The following SUCLG2 variants were observed in gnomAD, a reference collection of about 807,000 sequenced individuals.
The protein encoded by SUCLG2 is succinate--CoA ligase [GDP-forming] subunit beta, mitochondrial.
A neutral mutation model predicts 47.9 loss-of-function variants in SUCLG2; 42 were observed. That is an observed-to-expected ratio of 0.88 (90% CI 0.69 to 1.14). SUCLG2 has a LOEUF of 1.14. Among genes scored for constraint, SUCLG2 ranks in the 50% most tolerant of loss-of-function variants. The probability of loss-of-function intolerance (pLI) is 0.00; values close to 1 mark genes in which losing one functional copy is unlikely to be tolerated. For missense variants in SUCLG2, 571 were observed against 525.9 expected (o/e 1.09, Z -0.84); for synonymous variants, 195 against 197.3 (o/e 0.99, Z 0.10).
At chr3:67,424,115 G>A (rs755194774) in intron 9 of SUCLG2, among the ~76,000 whole-genome samples, 4 of 152,200 alleles carry the variant, frequency 2.6e-5, no homozygotes, top group African/African-American at 9.7e-5. Flanking sequence ...AAAGGTCAGT[G>A]AATGACAACT....
intron 9 of SUCLG2, among the ~76,000 whole-genome samples, chr3:67,488,127 T>A (rs931596853): frequency 1.4e-4 from 22 of 151,922 alleles, no homozygotes; most frequent in African/African-American, 2.7e-4. Context: ...ATATATTTTT[T>A]AAAAAGGTAT....
chr3:67,569,445 C>T (rs925219309), intron 2 of SUCLG2, among the ~76,000 whole-genome samples: 3 of 152,204 alleles, frequency 2.0e-5, no homozygotes, highest in Non-Finnish European at 4.4e-5. Flanking sequence ...TCACTCAGAG[C>T]CACCGGGGCA....
intron 9 of SUCLG2, among the ~76,000 whole-genome samples, chr3:67,430,452 T>C (rs1703445645): frequency 6.6e-6 from 1 of 152,056 alleles, no homozygotes; most frequent in Non-Finnish European, 1.5e-5. Context: ...CTTAAAGCAG[T>C]GCATAGAGGA....
chr3:67,398,811 C>T (rs543778310), intron 10 of SUCLG2, among the ~76,000 whole-genome samples: 9 of 152,250 alleles, frequency 5.9e-5, no homozygotes, highest in African/African-American at 2.2e-4. Flanking sequence ...GAAAATGTGG[C>T]TCATATACAC....
chr3:67,573,780 T>C lies in SUCLG2; in HGVS notation c.226+35675A>G, dbSNP rs150394642. 1.9e-3 allele frequency among the ~76,000 whole-genome samples: 294 copies of C among 152,036 alleles called. 3 individuals are homozygous for C. The East Asian group carries it at 0.035, about 18-fold the overall frequency. ...CTGGTGAGAATCCTTGTTTCCCCCT[T>C]TTTTTTTCTTTTTCACCCAATAAAA... On this transcript the variant is annotated intron_variant, in intron 2 of 10. Coordinates refer to ENST00000307227, the MANE Select transcript of SUCLG2 (RefSeq NM_003848.4).
chr3:67,558,657 G>A (rs1432014099), intron 2 of SUCLG2, among the ~76,000 whole-genome samples: 2 of 152,156 alleles, frequency 1.3e-5, no homozygotes, highest in Non-Finnish European at 2.9e-5. Flanking sequence ...CTACTGATCC[G>A]TTTCCAAAAG....
At chr3:67,592,979 G>T (rs1022689342) in intron 2 of SUCLG2, among the ~76,000 whole-genome samples, 4 of 152,136 alleles carry the variant, frequency 2.6e-5, no homozygotes, top group African/African-American at 9.7e-5. Flanking sequence ...AACCACTATG[G>T]TGAGCCTAGG....
intron 10 of SUCLG2, among the ~76,000 whole-genome samples, chr3:67,389,370 C>G (rs559897238): frequency 1.3e-5 from 2 of 152,102 alleles, no homozygotes; most frequent in Admixed American, 6.5e-5. Context: ...GGGGGCCATC[C>G]AAGGAGAGAT....
At chr3:67,442,373 T>G (rs1703788754) in intron 9 of SUCLG2, among the ~76,000 whole-genome samples, 1 of 152,186 alleles carries the variant, frequency 6.6e-6, no homozygotes, top group Admixed American at 6.5e-5. Flanking sequence ...CTATGGTACC[T>G]GGAACAGCGG....
At chr3:67,502,324 T>C (rs1012192709) in intron 7 of SUCLG2, among the ~76,000 whole-genome samples, 92 of 152,240 alleles carry the variant, frequency 6.0e-4, no homozygotes, top group African/African-American at 2.0e-3. Context: ...AGTGCTTTCC[T>C]ATCTTACTAT....
At chr3:67,421,065 C>T (rs1186437183) in intron 9 of SUCLG2, among the ~76,000 whole-genome samples, 1 of 152,174 alleles carries the variant, frequency 6.6e-6, no homozygotes, top group East Asian at 1.9e-4. Context: ...ACAAGAAGTT[C>T]AGGTGTTGAC....
At chr3:67,564,316 C>A (rs1239899047) in intron 2 of SUCLG2, among the ~76,000 whole-genome samples, 1 of 152,088 alleles carries the variant, frequency 6.6e-6, no homozygotes, top group Non-Finnish European at 1.5e-5. Flanking sequence ...AGCTTTCCCC[C>A]CTCCCCTCGC....
At chr3:67,437,125 T>C (rs1703644276) in intron 9 of SUCLG2, among the ~76,000 whole-genome samples, 1 of 151,892 alleles carries the variant, frequency 6.6e-6, no homozygotes, top group African/African-American at 2.4e-5. Flanking sequence ...ATGCCAGGTG[T>C]GGTTAAAAAA....
intron 9 of SUCLG2, chr3:67,408,813 C>T: frequency 7.2e-7 from 1 of 1,382,096 alleles, no homozygotes. Context: ...TGAGCTTAAA[C>T]ATCACACAGC....
chr3:67,428,943 G>T (rs1703384776), intron 9 of SUCLG2, among the ~76,000 whole-genome samples: 1 of 152,100 alleles, frequency 6.6e-6, no homozygotes, highest in Non-Finnish European at 1.5e-5. Flanking sequence ...AAGAAATATG[G>T]GACTATGTGA....
At chr3:67,527,319 C>T (rs1706280263) in intron 4 of SUCLG2, among the ~76,000 whole-genome samples, 2 of 152,174 alleles carry the variant, frequency 1.3e-5, no homozygotes, top group Admixed American at 1.3e-4. Context: ...ATCTTCTAAC[C>T]ATGGATGCTT....
chr3:67,571,763 C>G (rs1189098863), intron 2 of SUCLG2, among the ~76,000 whole-genome samples: 1 of 152,120 alleles, frequency 6.6e-6, no homozygotes, highest in Non-Finnish European at 1.5e-5. Context: ...TCACAAATCA[C>G]TTTTTCTTTG....
At chr3:67,648,966 A>G (rs539214591) in intron 1 of SUCLG2, among the ~76,000 whole-genome samples, 2 of 152,262 alleles carry the variant, frequency 1.3e-5, no homozygotes, top group South Asian at 4.2e-4. Flanking sequence ...CTTGTAGGAG[A>G]GCGGGGAAGA....
At chr3:67,558,611 C>T (rs1261996810) in intron 2 of SUCLG2, among the ~76,000 whole-genome samples, 1 of 152,168 alleles carries the variant, frequency 6.6e-6, no homozygotes, top group East Asian at 1.9e-4. Context: ...AGTTTGTCTC[C>T]TTCAGAAACA....
Sources: allele counts gnomAD v4.1 joint callset (sites outside exome capture counted in the v4.1 genomes callset), GRCh38; gene constraint gnomAD v4.1.1; transcripts MANE v1.5; gene names NCBI Gene and HGNC (gene_info 2026-07-23, HGNC 2026-07-21).